PDGFRA: variants seen among roughly 807,000 people sequenced by gnomAD.
PDGFRA encodes platelet-derived growth factor receptor alpha.
A neutral mutation model predicts 121.5 loss-of-function variants in PDGFRA; 25 were observed. That is an observed-to-expected ratio of 0.21 (90% CI 0.15 to 0.29). PDGFRA has a LOEUF of 0.29. Among genes scored for constraint, PDGFRA ranks in the 10% least tolerant of loss-of-function variants. The pLI is 1.00. For missense variants in PDGFRA, 1,008 were observed against 1,345.1 expected (o/e 0.75, Z 3.92); for synonymous variants, 463 against 494.8 (o/e 0.94, Z 0.85).
Position 54,285,340 on chromosome 4 carries a change from AGCACC to A in PDGFRA, c.2324-30_2324-26del, listed in dbSNP as rs386674477. 4.1e-3 allele frequency: 3,549 copies of A among 859,472 alleles called. 83 individuals carry two copies. In the African/African-American group the frequency reaches 0.05, roughly 12 times the overall value. 53.2% of individuals were successfully genotyped at this position (859,472 alleles called of 1,614,324 possible). On this transcript the variant is annotated intron_variant, in intron 16 of 22. Transcript: ENST00000257290. ...ACCTGATGATTTCCTGCTGCCTGCC[AGCACC>A]AATACATTTAATTTCTTTTCTGCAG...
intron 17 of PDGFRA, 32 bp from the exon 18 acceptor site, chr4:54,285,809 G>A: frequency 6.2e-7 from 1 of 1,612,928 alleles, no homozygotes; most frequent in Non-Finnish European, 8.5e-7. Flanking sequence ...CAGATGGCTT[G>A]ATCCTGAGTC....
At chr4:54,242,080 G>A (rs80255272) in intron 1 of PDGFRA, among the ~76,000 whole-genome samples, 4,141 of 152,246 alleles carry the variant, frequency 0.027, 88 homozygotes, top group Non-Finnish European at 0.044. Flanking sequence ...TTTAGGAAAA[G>A]CAATACAGTG....
chr4:54,288,697 T>C lies in PDGFRA; in HGVS notation c.2675-102T>C, dbSNP rs10212685. 752 of 787,902 alleles carry C rather than the reference T, an allele frequency of 9.5e-4. 2 individuals are homozygous for C. In the African/African-American group the frequency reaches 0.011, roughly 12 times the overall value. 48.8% of individuals were successfully genotyped at this position (787,902 alleles called of 1,614,324 possible). On this transcript the variant is annotated intron_variant, in intron 19 of 22. Transcript: ENST00000257290. ...CTTGAAAAAACCAGTGCTTCAAGGC[T>C]ATAGGATCTGAAAGGTTTTCTAACA...
intron 1 of PDGFRA, among the ~76,000 whole-genome samples, chr4:54,233,383 T>A (rs1720811107): frequency 6.6e-6 from 1 of 152,088 alleles, no homozygotes. Context: ...CGCGCAGCAC[T>A]CCCGGCTGCG....
chr4:54,244,939 G>A (rs1179077704), intron 1 of PDGFRA, among the ~76,000 whole-genome samples: 1 of 152,204 alleles, frequency 6.6e-6, no homozygotes, highest in Non-Finnish European at 1.5e-5. Flanking sequence ...CTTAGGAGCT[G>A]ATGCGATCAA....
intron 2 of PDGFRA, among the ~76,000 whole-genome samples, chr4:54,260,396 G>T (rs1407489129): frequency 2.4e-5 from 3 of 125,008 alleles, no homozygotes; most frequent in Non-Finnish European, 4.8e-5. Flanking sequence ...ATTCCATGTG[G>T]GTTTTTTTTT....
chr4:54,241,948 G>T (rs1036605421), intron 1 of PDGFRA, among the ~76,000 whole-genome samples: 3 of 152,216 alleles, frequency 2.0e-5, no homozygotes, highest in African/African-American at 7.2e-5. Flanking sequence ...AAGATTGCAA[G>T]AAATATTGAC....
In PDGFRA at chr4:54,277,491, A is replaced by C; in HGVS notation, c.1890A>C (p.Lys630Asn). 1 of 1,599,176 alleles carries C rather than the reference A, an allele frequency of 6.3e-7. No individual in the cohort carries two copies. Residue 630 changes from lysine to asparagine, a missense_variant and splice_region_variant, in exon 13 of 23, where the codon AAA (lysine) becomes AAC (asparagine). Lys to Asn is a moderately conservative substitution (Grantham distance 94, BLOSUM62 0). Coordinates refer to ENST00000257290, the MANE Select transcript of PDGFRA (RefSeq NM_006206.6). ...TGAAAGTTGCAGTGAAGATGCTAAAACGTAAGTGCTCCTTCCTGGGGATTT... is the reference window on the plus strand; with the variant it reads ...TGAAAGTTGCAGTGAAGATGCTAAACCGTAAGTGCTCCTTCCTGGGGATTT... The part of the protein sequence containing the change: ...PVMKVAVKML[K>N]PTARSSEKQA...
chr4:54,238,927 C>G (rs1002329431), intron 1 of PDGFRA, among the ~76,000 whole-genome samples: 2 of 152,056 alleles, frequency 1.3e-5, no homozygotes, highest in African/African-American at 4.8e-5. Context: ...GAGCTGAGAT[C>G]AGGCCACTGC....
At chr4:54,242,154 G>C (rs1338239799) in intron 1 of PDGFRA, among the ~76,000 whole-genome samples, 1 of 152,194 alleles carries the variant, frequency 6.6e-6, no homozygotes, top group Non-Finnish European at 1.5e-5. Flanking sequence ...CCTGGGTTCA[G>C]TTCCTGGCTT....
At chr4:54,265,283 C>G (rs7688997) in intron 5 of PDGFRA, 4 of 480,636 alleles carry the variant, frequency 8.3e-6, no homozygotes, top group African/African-American at 5.8e-5. Flanking sequence ...AAGAGTGTGC[C>G]GTAAGCCTTC....
At chr4:54,235,424 T>C (rs935954899) in intron 1 of PDGFRA, among the ~76,000 whole-genome samples, 8 of 152,410 alleles carry the variant, frequency 5.2e-5, no homozygotes, top group African/African-American at 1.9e-4. Context: ...CTGTTTACAC[T>C]ACCTTTGCAC....
At chr4:54,250,628 C>T (rs1355921464) in intron 1 of PDGFRA, among the ~76,000 whole-genome samples, 3 of 152,190 alleles carry the variant, frequency 2.0e-5, no homozygotes, top group Admixed American at 2.0e-4. Flanking sequence ...ATTTCTTTGT[C>T]AATTGCATCT....
intron 13 of PDGFRA, 23 bp downstream of exon 13, chr4:54,277,515 T>G: frequency 6.6e-7 from 1 of 1,517,302 alleles, no homozygotes; most frequent in South Asian, 1.1e-5. Flanking sequence ...TCCTGGGGAT[T>G]TTTTGAGCAC....
chr4:54,273,669 G>A lies in PDGFRA; in HGVS notation c.1497G>A (p.Val499=), dbSNP rs1401477587. Residue 499 remains valine (V), a synonymous_variant, in exon 10 of 23, where the codon GTG becomes GTA. Coordinates refer to ENST00000257290, the MANE Select transcript of PDGFRA (RefSeq NM_006206.6). ...TFAKVEETIA[V]RCLAKNLLGA... is the part of the protein sequence containing the mutation. ...CCAAAGTGGAGGAGACCATCGCCGT[G>A]CGATGCCTGGCTAAGAATCTCCTTG... The A allele has an allele frequency of 1.9e-6, 3 of 1,614,104 alleles. No homozygotes were observed. The East Asian group carries it at 6.7e-5, about 36-fold the overall frequency.
chr4:54,274,725 C>A (rs1443979591), intron 11 of PDGFRA, 100 bp downstream of exon 11: 1 of 1,434,600 alleles, frequency 7.0e-7, no homozygotes, highest in East Asian at 2.3e-5. Flanking sequence ...TCAGCAATTA[C>A]ATGTGGAGTG....
chr4:54,291,283 A>G (rs1283973688), intron 22 of PDGFRA, among the ~76,000 whole-genome samples: 1 of 152,152 alleles, frequency 6.6e-6, no homozygotes, highest in African/African-American at 2.4e-5. Context: ...ACCCATAAAT[A>G]TTCCAGTGTG....
In PDGFRA at chr4:54,285,357, T is replaced by C. The variant is rs1458041403; in HGVS notation, c.2324-14T>C. 9.7e-7 allele frequency: 1 copy of C among 1,026,200 alleles called. No homozygotes were observed. The highest frequency in any genetic ancestry group is 2.4e-5 in the East Asian group (1 of 42,300). 63.6% of individuals were successfully genotyped at this position (1,026,200 alleles called of 1,614,324 possible). A position where few individuals can be genotyped will look rare whatever the true frequency, so the allele number is the denominator to read the frequency against. On this transcript the variant is annotated splice_polypyrimidine_tract_variant and intron_variant, in intron 16 of 22. Transcript: ENST00000257290. ...TGCCTGCCAGCACCAATACATTTAATTTCTTTTCTGCAGACTCAGAAGTCA... is the reference window on the plus strand; with the variant it reads ...TGCCTGCCAGCACCAATACATTTAACTTCTTTTCTGCAGACTCAGAAGTCA...
In PDGFRA at chr4:54,296,409, G is replaced by A. The variant is rs55710909; in HGVS notation, c.*1137G>A. On this transcript the variant is annotated 3_prime_UTR_variant, in exon 23 of 23. Transcript: ENST00000257290. ...CTTCATGCCTGATGAAAGCTTTGGC[G>A]ACCCCAATATATGTATTTTTTGAAT... 5,778 of 204,552 alleles carry A rather than the reference G, an allele frequency of 0.028. 98 individuals carry two copies. The highest frequency in any genetic ancestry group is 0.044 in the Non-Finnish European group (4,510 of 101,920). The allele number at this position is 204,552 out of a possible 1,614,324, so 12.7% of individuals were successfully genotyped here. A position where few individuals can be genotyped will look rare whatever the true frequency, so the allele number is the denominator to read the frequency against.
Sources: gnomAD v4.1 joint callset for allele counts (sites outside exome capture counted in the v4.1 genomes callset) on GRCh38, gnomAD v4.1.1 for gene constraint, MANE v1.5 for transcripts, NCBI Gene and HGNC (gene_info 2026-07-23, HGNC 2026-07-21) for gene names.